Variants in ELMO1 observed in about 807,000 individuals in gnomAD.
The protein encoded by ELMO1 is engulfment and cell motility 1.
ELMO1 carries 26 observed loss-of-function variants against 98.9 expected under a neutral mutation model. The ratio of observed to expected loss-of-function variants is 0.26; its 90% confidence interval spans 0.19 to 0.36. The LOEUF is 0.36. ELMO1 is among the 10% of genes least tolerant of loss of function. The pLI is 1.00. For missense variants in ELMO1, 627 were observed against 935.2 expected, an observed-to-expected ratio of 0.67 and a Z score of 4.30; for synonymous variants, 346 against 346.0, an observed-to-expected ratio of 1.00 and a Z score of 0.00.
intron 4 of ELMO1, among the ~76,000 whole-genome samples, chr7:37,291,698 T>C (rs1438220924): frequency 6.6e-6 from 1 of 152,186 alleles, no homozygotes; most frequent in Non-Finnish European, 1.5e-5. Context: ...GTGGATCACC[T>C]GAGGTCAGGA....
At chr7:37,365,436 G>A (rs7810978) in intron 1 of ELMO1, among the ~76,000 whole-genome samples, 1,913 of 152,226 alleles carry the variant, frequency 0.013, 46 homozygotes, top group African/African-American at 0.044. Flanking sequence ...AGAACAGAAC[G>A]GGTAGCAGGA....
At chr7:37,211,058 A>AT (rs1792938183) in intron 13 of ELMO1, 1 of 236,660 alleles carries the variant, frequency 4.2e-6, no homozygotes, top group African/African-American at 2.2e-5. Context: ...TCCATCACTC[A>AT]TTTAAGGCAA....
At chr7:37,429,588 A>C (rs942990458) in intron 1 of ELMO1, 3 of 152,284 alleles carry the variant, frequency 2.0e-5, no homozygotes, top group African/African-American at 7.2e-5. Context: ...GAGGATGCAC[A>C]GATGACTGGC....
intron 16 of ELMO1, among the ~76,000 whole-genome samples, chr7:37,001,873 C>T (rs112128751): frequency 2.0e-5 from 3 of 152,102 alleles, no homozygotes; most frequent in African/African-American, 4.8e-5. Context: ...TTTAATGAGT[C>T]AGGCAATGAA....
intron 16 of ELMO1, among the ~76,000 whole-genome samples, chr7:36,933,263 C>G (rs760494298): frequency 1.3e-5 from 2 of 152,144 alleles, no homozygotes; most frequent in Non-Finnish European, 2.9e-5. Flanking sequence ...TAAAACAATA[C>G]AGGAACAGAG....
intron 16 of ELMO1, among the ~76,000 whole-genome samples, chr7:36,925,519 A>G (rs1427084888): frequency 1.3e-5 from 2 of 152,156 alleles, no homozygotes; most frequent in Non-Finnish European, 2.9e-5. Context: ...CCTTATGAGC[A>G]GAGTCTCTTC....
At chr7:37,308,754 C>G (rs934877516) in intron 4 of ELMO1, among the ~76,000 whole-genome samples, 2 of 152,144 alleles carry the variant, frequency 1.3e-5, no homozygotes, top group Admixed American at 6.5e-5. Context: ...TCTGGCTGCC[C>G]AGATGATGAG....
intron 16 of ELMO1, among the ~76,000 whole-genome samples, chr7:37,011,383 C>T (rs1313108281): frequency 6.6e-6 from 1 of 152,182 alleles, no homozygotes; most frequent in Non-Finnish European, 1.5e-5. Flanking sequence ...GCTTCCTTTG[C>T]TAACAAGGAA....
chr7:37,000,936 T>TACACAC (rs978102382), intron 16 of ELMO1, among the ~76,000 whole-genome samples: 11 of 126,298 alleles, frequency 8.7e-5, no homozygotes, highest in African/African-American at 3.2e-4. Context: ...TGTATATGTG[T>TACACAC]ATACACACAC....
chr7:37,065,335 C>CTCTT (rs1796899799), intron 15 of ELMO1, among the ~76,000 whole-genome samples: 1 of 152,048 alleles, frequency 6.6e-6, no homozygotes, highest in Non-Finnish European at 1.5e-5. Flanking sequence ...GAGGTGTCTC[C>CTCTT]ATCACCCCCG....
chr7:37,366,891 C>T (rs1264165530), intron 1 of ELMO1, among the ~76,000 whole-genome samples: 1 of 152,174 alleles, frequency 6.6e-6, no homozygotes, highest in East Asian at 1.9e-4. Context: ...TTCTTATTCC[C>T]AGAAATCAGA....
At chr7:36,949,487 A>G (rs1787790128) in intron 16 of ELMO1, among the ~76,000 whole-genome samples, 1 of 151,240 alleles carries the variant, frequency 6.6e-6, no homozygotes, top group Non-Finnish European at 1.5e-5. Context: ...GGTGGCAGAC[A>G]TCAGACCAGG....
intron 4 of ELMO1, among the ~76,000 whole-genome samples, chr7:37,280,791 G>A (rs1010122347): frequency 3.3e-5 from 5 of 152,112 alleles, no homozygotes; most frequent in African/African-American, 4.8e-5. Context: ...AAACAGTGTG[G>A]AGATTCCTTA....
intron 1 of ELMO1, among the ~76,000 whole-genome samples, chr7:37,444,105 G>A (rs1357402652): frequency 1.3e-5 from 2 of 152,184 alleles, no homozygotes; most frequent in Non-Finnish European, 2.9e-5. Context: ...GTCTCGCTAT[G>A]TTGCCCAGGC....
chr7:37,259,332 G>T lies in ELMO1; in HGVS notation c.262C>A (p.Leu88Ile). ...TTSPAQNAQQ[L>I]HERIQSSSMD... Reference sequence around the variant, plus strand: ...CTCGAGGACTGGATTCGTTCATGGAGCTGCTGGGCGTTCTGAGCCTTATGG... The same window carrying T: ...CTCGAGGACTGGATTCGTTCATGGATCTGCTGGGCGTTCTGAGCCTTATGG... Residue 88 changes from leucine (L) to isoleucine (I), a missense_variant, in exon 6 of 22, where the codon CTC becomes ATC. Coordinates refer to ENST00000310758, the MANE Select transcript of ELMO1 (RefSeq NM_014800.11). 1 of 1,614,062 alleles carries T rather than the reference G, an allele frequency of 6.2e-7. No individual in the cohort carries two copies. Among genetic ancestry groups the T allele is most frequent in the Non-Finnish European group, 8.5e-7 (1 of 1,179,942 alleles).
chr7:37,362,235 A>ATATATAT (rs369021694), intron 1 of ELMO1, among the ~76,000 whole-genome samples: 25 of 149,802 alleles, frequency 1.7e-4, no homozygotes, highest in East Asian at 1.4e-3. Flanking sequence ...TATATATATA[A>ATATATAT]TTTCTCCGTT....
At position 37,013,363 on chromosome 7, in the gene ELMO1, A is replaced by G; in HGVS notation, c.1373T>C (p.Ile458Thr). 6.2e-7 allele frequency: 1 copy of G among 1,614,158 alleles called. No homozygotes were observed. Among genetic ancestry groups the G allele is most frequent in the Non-Finnish European group, 8.5e-7 (1 of 1,180,018 alleles). ...HDRSFEEFFC[I>T]CIQLLNKTWK... ...TGTCTTGTTCAGGAGCTGGATACAGATGCAGAAAAACTCCTCAAAGGATCT... is the reference window on the plus strand; with the variant it reads ...TGTCTTGTTCAGGAGCTGGATACAGGTGCAGAAAAACTCCTCAAAGGATCT... Residue 458 changes from isoleucine to threonine, a missense_variant, in exon 16 of 22, where the codon ATC becomes ACC. Transcript: ENST00000310758.
intron 1 of ELMO1, among the ~76,000 whole-genome samples, chr7:37,412,492 A>G (rs990735926): frequency 1.1e-4 from 17 of 152,264 alleles, no homozygotes; most frequent in Admixed American, 2.0e-4. Flanking sequence ...TAGTTTACCA[A>G]TCAAAAAACT....
At chr7:36,868,526 T>C (rs1803231659) in intron 20 of ELMO1, among the ~76,000 whole-genome samples, 1 of 152,130 alleles carries the variant, frequency 6.6e-6, no homozygotes, top group African/African-American at 2.4e-5. Context: ...TTTGTATTTT[T>C]AGTACAGACG....
Sources: gnomAD v4.1 joint callset for allele counts (sites outside exome capture counted in the v4.1 genomes callset) on GRCh38, gnomAD v4.1.1 for gene constraint, MANE v1.5 for transcripts, NCBI Gene and HGNC (gene_info 2026-07-23, HGNC 2026-07-21) for gene names.